Variants in ERC1 observed in about 807,000 individuals in gnomAD.
ERC1 encodes the protein RAB6 interacting protein 2.
Under a neutral mutation model 132.0 loss-of-function variants are expected in ERC1, and 56 were observed. That is an observed-to-expected ratio of 0.42 (90% CI 0.34 to 0.53). The LOEUF is 0.53. Ranked by LOEUF, ERC1 falls within the 20% of genes least tolerant of loss-of-function variation. ERC1 has a pLI of 0.03. For synonymous variants in ERC1, 478 were observed against 476.1 expected, an observed-to-expected ratio of 1.00 and a Z score of -0.05; for missense variants, 1,202 against 1,349.9, an observed-to-expected ratio of 0.89 and a Z score of 1.72.
At chr12:1,382,427 C>A (rs1168827463) in intron 16 of ERC1, among the ~76,000 whole-genome samples, 1 of 152,188 alleles carries the variant, frequency 6.6e-6, no homozygotes, top group Non-Finnish European at 1.5e-5. Flanking sequence ...ATTCAGGCAT[C>A]CATGTTTCCC....
chr12:1,479,152 T>C (rs924265246), intron 18 of ERC1, among the ~76,000 whole-genome samples: 2 of 152,120 alleles, frequency 1.3e-5, no homozygotes, highest in Admixed American at 1.3e-4. Context: ...GTGTGTCTGC[T>C]CTCGTGCCAG....
At chr12:1,327,780 A>G (rs1031337875) in intron 15 of ERC1, among the ~76,000 whole-genome samples, 10 of 152,156 alleles carry the variant, frequency 6.6e-5, no homozygotes, top group Non-Finnish European at 8.8e-5. Context: ...TCAACTGCCA[A>G]CTGCACCTGA....
chr12:1,179,602 G>A (rs1954159577), intron 8 of ERC1, among the ~76,000 whole-genome samples: 1 of 148,900 alleles, frequency 6.7e-6, no homozygotes, highest in Non-Finnish European at 1.5e-5. Context: ...CCGCCTCCCG[G>A]GTTCACGCCA....
At chr12:1,056,767 A>G (rs1304482758) in intron 2 of ERC1, among the ~76,000 whole-genome samples, 4 of 152,288 alleles carry the variant, frequency 2.6e-5, no homozygotes, top group East Asian at 3.9e-4. Flanking sequence ...TTCTGTTAGC[A>G]TAGCTGCTGA....
At chr12:1,201,820 GAAAAATATTCTT>G (rs959258183) in intron 12 of ERC1, among the ~76,000 whole-genome samples, 1 of 152,158 alleles carries the variant, frequency 6.6e-6, no homozygotes, top group African/African-American at 2.4e-5. Context: ...TCTCTTTAGA[GAAAAATATTCTT>G]ACTTTTAAAT....
chr12:1,098,621 G>C (rs1459259543), intron 3 of ERC1, among the ~76,000 whole-genome samples: 1 of 152,218 alleles, frequency 6.6e-6, no homozygotes, highest in African/African-American at 2.4e-5. Flanking sequence ...TCTCTCATCA[G>C]AGTCACCAGA....
At chr12:1,262,982 T>C in intron 13 of ERC1, 52 bp from the exon 14 acceptor site, 2 of 1,594,636 alleles carry the variant, frequency 1.3e-6, no homozygotes, top group East Asian at 4.5e-5. Flanking sequence ...AAATAGGCTC[T>C]CCCTGGGTTA....
intron 15 of ERC1, among the ~76,000 whole-genome samples, chr12:1,311,997 T>G (rs190232739): frequency 3.3e-4 from 51 of 152,338 alleles, no homozygotes; most frequent in African/African-American, 1.1e-3. Flanking sequence ...GAAAACTATG[T>G]CCCCATTTTT....
In ERC1 at chr12:1,418,790, G is replaced by A. The variant is rs957721830; in HGVS notation, c.3024+10543G>A. ...TGTAGTGGCATGATCATAGCTTACC[G>A]TAGCCTCGGACTCATGGGCTCAAGG... On this transcript the variant is annotated intron_variant, in intron 17 of 18. Coordinates refer to ENST00000360905, the MANE Select transcript of ERC1 (RefSeq NM_178040.4). 2.7e-5 allele frequency among the ~76,000 whole-genome samples: 4 copies of A among 150,224 alleles called. No individual in the cohort carries two copies. The East Asian group carries it at 5.9e-4, about 22-fold the overall frequency.
intron 17 of ERC1, among the ~76,000 whole-genome samples, chr12:1,418,880 A>G (rs796959828): frequency 1.3e-5 from 2 of 151,516 alleles, no homozygotes; most frequent in South Asian, 4.2e-4. Flanking sequence ...GCCCTGCTAA[A>G]TTTTGTATTT....
intron 7 of ERC1, among the ~76,000 whole-genome samples, chr12:1,138,813 A>T (rs1325756690): frequency 6.6e-6 from 1 of 152,182 alleles, no homozygotes; most frequent in Non-Finnish European, 1.5e-5. Flanking sequence ...AGGACCTTGA[A>T]TTCCCTGCTG....
chr12:1,469,929 A>G (rs1023870145), intron 18 of ERC1, among the ~76,000 whole-genome samples: 3 of 122,384 alleles, frequency 2.5e-5, no homozygotes, highest in Non-Finnish European at 4.8e-5. Context: ...GTGGTGTGCC[A>G]TGAACTGGGC....
intron 18 of ERC1, among the ~76,000 whole-genome samples, chr12:1,477,581 C>T (rs946040901): frequency 6.6e-6 from 1 of 152,132 alleles, no homozygotes; most frequent in Non-Finnish European, 1.5e-5. Context: ...CAGATTGGAT[C>T]GTACAGTTAG....
intron 7 of ERC1, among the ~76,000 whole-genome samples, chr12:1,135,065 A>T (rs1490330786): frequency 6.6e-6 from 1 of 152,142 alleles, no homozygotes; most frequent in Non-Finnish European, 1.5e-5. Context: ...AGGAGTCCTG[A>T]GACCAAAGGG....
At chr12:1,431,240 G>A (rs1178713399) in intron 17 of ERC1, among the ~76,000 whole-genome samples, 6 of 152,160 alleles carry the variant, frequency 3.9e-5, no homozygotes, top group African/African-American at 1.2e-4. Context: ...TTAGGCAGGG[G>A]ACAGGGGCAG....
intron 16 of ERC1, among the ~76,000 whole-genome samples, chr12:1,396,652 A>G (rs1257027691): frequency 6.6e-6 from 1 of 152,196 alleles, no homozygotes; most frequent in African/African-American, 2.4e-5. Context: ...AGCTCATGTG[A>G]GAGAATGGTG....
At chr12:1,016,082 G>A (rs1006182928) in intron 1 of ERC1, among the ~76,000 whole-genome samples, 1 of 150,326 alleles carries the variant, frequency 6.7e-6, no homozygotes, top group African/African-American at 2.4e-5. Context: ...ATTACATCAG[G>A]TTGGACTAGT....
At chr12:1,139,896 GA>G (rs908530643) in intron 7 of ERC1, among the ~76,000 whole-genome samples, 6 of 150,882 alleles carry the variant, frequency 4.0e-5, no homozygotes, top group Admixed American at 6.6e-5. Flanking sequence ...TTGTGATTCA[GA>G]AAAAAAAATT....
chr12:1,421,710 A>G (rs2092436240), intron 17 of ERC1, among the ~76,000 whole-genome samples: 1 of 152,104 alleles, frequency 6.6e-6, no homozygotes, highest in Admixed American at 6.6e-5. Context: ...TGAGTAAGCA[A>G]TTTTAGAAAA....
Sources: gnomAD v4.1 joint callset for allele counts (sites outside exome capture counted in the v4.1 genomes callset) on GRCh38, gnomAD v4.1.1 for gene constraint, MANE v1.5 for transcripts, NCBI Gene and HGNC (gene_info 2026-07-23, HGNC 2026-07-21) for gene names.